Variants in ARHGEF18 observed in about 807,000 individuals in gnomAD.
ARHGEF18 encodes rho guanine nucleotide exchange factor 18.
Under a neutral mutation model 155.7 loss-of-function variants are expected in ARHGEF18, and 93 were observed. That is an observed-to-expected ratio of 0.60 (90% CI 0.50 to 0.71). The LOEUF (loss-of-function observed/expected upper bound fraction) is 0.71. Among genes scored for constraint, ARHGEF18 ranks in the 30% least tolerant of loss-of-function variants. The probability of loss-of-function intolerance (pLI) is 0.00; values close to 1 mark genes in which losing one functional copy is unlikely to be tolerated. For synonymous variants in ARHGEF18, 742 were observed against 753.1 expected (o/e 0.99, Z 0.24); for missense variants, 1,593 against 1,816.1 (o/e 0.88, Z 2.23).
rs10546789 is a variant in ARHGEF18, at chr19:7,438,408, CT to C, written c.968-1922del. On this transcript the variant is annotated intron_variant, in intron 10 of 28. Coordinates refer to ENST00000668164, the MANE Select transcript of ARHGEF18 (RefSeq NM_001367823.1). ...GAGCCACCATGTCTGGCCCAGATTT[CT>C]TTTTTTTTTTTTTATTTTTGAGACA... Among the ~76,000 whole-genome samples, 236 of 142,520 alleles carry C rather than the reference CT, an allele frequency of 1.7e-3. 1 individual carries two copies. The highest frequency in any genetic ancestry group is 0.011 in the Middle Eastern group (3 of 268). 93.5% of individuals were successfully genotyped at this position (142,520 alleles called of 152,430 possible). A position where few individuals can be genotyped will look rare whatever the true frequency, so the allele number is the denominator to read the frequency against.
chr19:7,376,849 C>T, intron 5 of ARHGEF18, 92 bp downstream of exon 5: 2 of 928,608 alleles, frequency 2.2e-6, no homozygotes, highest in Non-Finnish European at 2.8e-6. Context: ...TTTCATCCTT[C>T]ATCCTGGAGG....
At chr19:7,410,806 T>C (rs1416242079) in intron 10 of ARHGEF18, among the ~76,000 whole-genome samples, 1 of 24,836 alleles carries the variant, frequency 4.0e-5, no homozygotes, top group Non-Finnish European at 7.6e-5. Context: ...TGAGACTCCA[T>C]CTCAAAAAAA....
At position 7,395,380 on chromosome 19, in the gene ARHGEF18, TC is replaced by T; in HGVS notation, c.967+12179del. On this transcript the variant is annotated intron_variant, in intron 10 of 28. Coordinates refer to ENST00000668164, the MANE Select transcript of ARHGEF18 (RefSeq NM_001367823.1). This position sits in a 1 kb window ranked among gnomAD's most constrained non-coding sequence, Gnocchi z 5.0. ...CTCCCGCCGGCTCCTGGGGGACTTC[TC>T]CAGGCAGGCGAACGGGTGCTGGGGT... 1 of 917,576 alleles carries T rather than the reference TC, an allele frequency of 1.1e-6. No homozygotes were observed. Among genetic ancestry groups the T allele is most frequent in the Non-Finnish European group, 1.3e-6 (1 of 768,068 alleles). The allele number at this position is 917,576 out of a possible 1,614,324, so 56.8% of individuals were successfully genotyped here. A position where few individuals can be genotyped will look rare whatever the true frequency, so the allele number is the denominator to read the frequency against.
chr19:7,368,001 G>GAT (rs1491476316), intron 2 of ARHGEF18, among the ~76,000 whole-genome samples: 1 of 69,854 alleles, frequency 1.4e-5, no homozygotes, highest in African/African-American at 6.6e-5. Flanking sequence ...GAGAGAGAGA[G>GAT]GGAGGGAGGG....
chr19:7,478,251 AGCCGGGATCCCAC>A, the ARHGEF18 span: 2 of 1,556,122 alleles, frequency 1.3e-6, no homozygotes, highest in Non-Finnish European at 1.7e-6. Flanking sequence ...GGTGGCTGCG[AGCCGGGATCCCAC>A]GCCTGCTGGA....
intron 14 of ARHGEF18, among the ~76,000 whole-genome samples, chr19:7,446,685 G>C (rs1181278331): frequency 6.6e-6 from 1 of 152,008 alleles, no homozygotes; most frequent in African/African-American, 2.4e-5. Context: ...AGGTTGCAGT[G>C]AGCCAAGATC....
At chr19:7,375,469 T>C (rs1022474747) in intron 3 of ARHGEF18, among the ~76,000 whole-genome samples, 4 of 151,256 alleles carry the variant, frequency 2.6e-5, no homozygotes, top group African/African-American at 9.8e-5. Flanking sequence ...AGAAAACCAG[T>C]CTGTGCAAAA....
At chr19:7,409,951 ATTTT>A (rs5826969) in intron 10 of ARHGEF18, among the ~76,000 whole-genome samples, 1 of 123,822 alleles carries the variant, frequency 8.1e-6, no homozygotes, top group Non-Finnish European at 1.7e-5. Flanking sequence ...TTTTTTTTGT[ATTTT>A]TTTTTTTTTT....
chr19:7,408,361 A>G (rs1409719330), intron 10 of ARHGEF18, among the ~76,000 whole-genome samples: 2 of 152,218 alleles, frequency 1.3e-5, no homozygotes, highest in East Asian at 3.8e-4. Flanking sequence ...ACTCAAAAGA[A>G]GCCACAGACA....
downstream of ARHGEF18, among the ~76,000 whole-genome samples, chr19:7,473,726 C>A (rs58166924): frequency 6.8e-6 from 1 of 146,620 alleles, no homozygotes; most frequent in Non-Finnish European, 1.5e-5. Flanking sequence ...AGGAGAATGG[C>A]GTGAACCCAG....
intron 10 of ARHGEF18, among the ~76,000 whole-genome samples, chr19:7,393,899 G>A (rs749481363): frequency 7.3e-5 from 11 of 150,718 alleles, no homozygotes; most frequent in Non-Finnish European, 1.5e-4. Flanking sequence ...GATGGCACCT[G>A]CCTGGGTGCC....
Position 7,459,939 on chromosome 19 carries a change from C to T in ARHGEF18, c.2397C>T (p.Pro799=), listed in dbSNP as rs551944258. Residue 799 remains proline (P), a synonymous_variant, in exon 20 of 29, where the codon CCC becomes CCT. Coordinates refer to ENST00000668164, the MANE Select transcript of ARHGEF18 (RefSeq NM_001367823.1). ...AGGAGGAGGGGCCCTTCAGCCTGCC[C>T]GAAGAGGAAAGGAAGGTGGTCGAGG... ...PDEEEGPFSL[P]EEERKVVEAR... 7.0e-5 allele frequency: 112 copies of T among 1,590,102 alleles called. 1 individual carries two copies. The South Asian group carries it at 9.9e-4, about 14-fold the overall frequency.
chr19:7,367,868 T>TACACA (rs1969987298), intron 2 of ARHGEF18, among the ~76,000 whole-genome samples: 1 of 7,562 alleles, frequency 1.3e-4, no homozygotes, highest in Non-Finnish European at 2.6e-4. Context: ...ACATATATAT[T>TACACA]TTTATATATA....
At chr19:7,366,959 G>A (rs1969915289) in intron 2 of ARHGEF18, among the ~76,000 whole-genome samples, 1 of 151,122 alleles carries the variant, frequency 6.6e-6, no homozygotes, top group South Asian at 2.1e-4. Flanking sequence ...ATGGGATTTC[G>A]CTATGCTGCC....
chr19:7,451,804 C>T (rs1050694540), intron 16 of ARHGEF18, among the ~76,000 whole-genome samples: 1 of 152,012 alleles, frequency 6.6e-6, no homozygotes, highest in Non-Finnish European at 1.5e-5. Context: ...TCACTGCAAC[C>T]TCCACTTCCC....
At chr19:7,403,732 T>C (rs1972144832) in intron 10 of ARHGEF18, among the ~76,000 whole-genome samples, 3 of 151,988 alleles carry the variant, frequency 2.0e-5, no homozygotes, top group Non-Finnish European at 4.4e-5. Context: ...AGATGAAGCC[T>C]CGCCGTGTTG....
Position 7,463,530 on chromosome 19 carries a change from C to T in ARHGEF18, c.2636-288C>T, listed in dbSNP as rs992620644. ...GCATTCGCCAGCCCCTGGCCCAGGGCGGCCTGGTGGAAGGAGCTGCAGGAG... is the reference window on the plus strand; with the variant it reads ...GCATTCGCCAGCCCCTGGCCCAGGGTGGCCTGGTGGAAGGAGCTGCAGGAG... On this transcript the variant is annotated intron_variant, in intron 21 of 28. Coordinates refer to ENST00000668164, the MANE Select transcript of ARHGEF18 (RefSeq NM_001367823.1). The surrounding 1 kb of genome is among the most constrained non-coding windows in gnomAD (Gnocchi z 5.2). Among the ~76,000 whole-genome samples the T allele has an allele frequency of 3.3e-5, 5 of 152,236 alleles. No individual in the cohort carries two copies. The highest frequency in any genetic ancestry group is 9.6e-5 in the African/African-American group (4 of 41,472).
chr19:7,379,105 C>T lies in ARHGEF18; in HGVS notation c.600-17C>T, dbSNP rs1283917275. 2.8e-5 allele frequency: 35 copies of T among 1,232,236 alleles called. 1 individual carries two copies. Among genetic ancestry groups the T allele is most frequent in the Non-Finnish European group, 3.5e-5 (35 of 988,222 alleles). The allele number at this position is 1,232,236 out of a possible 1,614,324, so 76.3% of individuals were successfully genotyped here. On this transcript the variant is annotated splice_polypyrimidine_tract_variant and intron_variant, in intron 6 of 28. Transcript: ENST00000668164. ...GAGCTACCATGGGCTGTTCTAATCC[C>T]ACCTCCACCCCCACAGGCTGATTGT...
rs1291446419 is a variant in ARHGEF18, at chr19:7,458,579, C to G, written c.2249C>G (p.Ala750Gly). 6.2e-7 allele frequency: 1 copy of G among 1,614,092 alleles called. No individual in the cohort carries two copies. Among genetic ancestry groups the G allele is most frequent in the Non-Finnish European group, 8.5e-7 (1 of 1,180,028 alleles). The change falls in exon 19 of 29, where the codon GCG (alanine) becomes GGG (glycine). Residue 750 changes from alanine to glycine, a missense_variant. Coordinates refer to ENST00000668164, the MANE Select transcript of ARHGEF18 (RefSeq NM_001367823.1). ...AGGGAAGTGGCCAACGAGGAGAAAG[C>G]GATGTTTCTGATCAGCGCCTCCTTG... Reference protein sequence around the residue: ...IVREVANEEKAMFLISASLQG... With the variant: ...IVREVANEEKGMFLISASLQG...
Sources: gnomAD v4.1 joint callset for allele counts (sites outside exome capture counted in the v4.1 genomes callset) on GRCh38, gnomAD v4.1.1 for gene constraint, Gnocchi (gnomAD v3.1) non-coding constraint, MANE v1.5 for transcripts, NCBI Gene and HGNC (gene_info 2026-07-23, HGNC 2026-07-21) for gene names.